The following NBPF10 variants were observed in gnomAD, a reference collection of about 807,000 sequenced individuals.
NBPF10 encodes NBPF family member NBPF10.
NBPF10 carries 63 observed loss-of-function variants against 77.9 expected under a neutral mutation model. The observed-to-expected ratio is 0.81, with a 90% CI of 0.66 to 1.00. NBPF10 has a LOEUF of 1.00. Ranked by LOEUF, NBPF10 falls within the 50% of genes least tolerant of loss-of-function variation. The pLI is 0.00. For synonymous variants in NBPF10, 146 were observed against 264.5 expected, an observed-to-expected ratio of 0.55 and a Z score of 4.35; for missense variants, 522 against 679.8, an observed-to-expected ratio of 0.77 and a Z score of 2.58.
intron 5 of NBPF10, among the ~76,000 whole-genome samples, chr1:146,139,311 G>A (rs1383373304): frequency 2.9e-4 from 43 of 150,404 alleles, no homozygotes; most frequent in African/African-American, 8.5e-4. Context: ...GGGTTTCACC[G>A]TGTTAGCCAG....
chr1:146,126,172 T>G (rs1179487929), intron 14 of NBPF10, 64 bp downstream of exon 14: 3 of 907,488 alleles, frequency 3.3e-6, no homozygotes, highest in Admixed American at 1.7e-5. Context: ...CCACTTGCAG[T>G]AGGAATATGA....
intron 71 of NBPF10, among the ~76,000 whole-genome samples, chr1:146,081,008 C>G (rs1194242771): frequency 2.5e-5 from 2 of 80,538 alleles, no homozygotes; most frequent in African/African-American, 6.6e-5. Flanking sequence ...CACACACACA[C>G]ACACACACAC....
intron 7 of NBPF10, among the ~76,000 whole-genome samples, 179 bp downstream of exon 7, chr1:146,136,174 G>A (rs1659682052): frequency 6.6e-6 from 1 of 151,716 alleles, no homozygotes; most frequent in African/African-American, 2.4e-5. Flanking sequence ...AGAAACAACT[G>A]CAACCCATAC....
Sources: gnomAD v4.1 joint callset for allele counts (sites outside exome capture counted in the v4.1 genomes callset) on GRCh38, gnomAD v4.1.1 for gene constraint, MANE v1.5 for transcripts, NCBI Gene and HGNC (gene_info 2026-07-23, HGNC 2026-07-21) for gene names.